The following SCNN1A variants were observed in gnomAD, a reference collection of about 807,000 sequenced individuals.
SCNN1A encodes epithelial sodium channel subunit alpha.
A neutral mutation model predicts 68.6 loss-of-function variants in SCNN1A; 65 were observed. The ratio of observed to expected loss-of-function variants is 0.95; its 90% CI spans 0.78 to 1.16. The LOEUF (loss-of-function observed/expected upper bound fraction) is 1.16, where lower values mean the gene tolerates loss of function less well. SCNN1A is among the 50% of genes most tolerant of loss of function. SCNN1A has a pLI of 0.00. For synonymous variants in SCNN1A, 357 were observed against 353.3 expected (o/e 1.01, Z -0.12); for missense variants, 880 against 865.9 (o/e 1.02, Z -0.20).
rs753200672 is a variant in SCNN1A at position 6,348,151 on chromosome 12, C to T, written c.1732G>A (p.Val578Ile). The T allele has an allele frequency of 2.5e-6, 4 of 1,614,006 alleles. No homozygotes were observed. The highest frequency in any genetic ancestry group is 2.7e-5 in the African/African-American group (2 of 74,904). The change falls in exon 13 of 13, where the codon GTC becomes ATC. Residue 578 changes from valine (V) to isoleucine (I), a missense_variant. Physicochemically the swap from Val to Ile is conservative, Grantham distance 29 (BLOSUM62 3). Transcript: ENST00000228916. ...CGGAGCAGCATGAGGAACATGATGA[C>T]CAGCAGGTCAAAGACGAGCTCAGCC... is the stretch of plus-strand genomic sequence containing the variant. ...EMAELVFDLL[V>I]IMFLMLLRRF... is the part of the protein sequence containing the mutation.
intron 8 of SCNN1A, among the ~76,000 whole-genome samples, chr12:6,352,237 AAATAAT>A (rs60225515): frequency 2.6e-5 from 4 of 151,748 alleles, no homozygotes; most frequent in African/African-American, 4.9e-5. Context: ...GCTATTACCA[AAATAAT>A]AATAATAATA....
intron 2 of SCNN1A, among the ~76,000 whole-genome samples, chr12:6,369,376 G>GCCACCCTACGCACCTCCCTCCTGCCA (rs1206838851): frequency 3.4e-5 from 5 of 145,820 alleles, no homozygotes; most frequent in African/African-American, 7.6e-5. Context: ...CCTCCCTCCT[G>GCCACCCTACGCACCTCCCTCCTGCCA]CCTGGCCTCA....
intron 3 of SCNN1A, among the ~76,000 whole-genome samples, chr12:6,362,658 C>G (rs1008389367): frequency 9.9e-5 from 15 of 151,782 alleles, no homozygotes; most frequent in African/African-American, 3.6e-4. Flanking sequence ...TTCCTTGGCT[C>G]CTCCCTCATT....
Position 6,351,295 on chromosome 12 carries a change from C to T in SCNN1A, c.1361-1890G>A, listed in dbSNP as rs1948382831. Among the ~76,000 whole-genome samples, 1 of 152,108 alleles carries T rather than the reference C, an allele frequency of 6.6e-6. No individual in the cohort carries two copies. Among genetic ancestry groups the T allele is most frequent in the Admixed American group, 6.5e-5 (1 of 15,268 alleles). On this transcript the variant is annotated intron_variant, in intron 8 of 12. Coordinates refer to ENST00000228916, the MANE Select transcript of SCNN1A (RefSeq NM_001038.6). The surrounding 1 kb of genome is among the most constrained non-coding windows in gnomAD (Gnocchi z 4.2). ...TATGCTAAGTGAAATAAGGCAGACA[C>T]GAGGGTCACACACTCTAAGATTCCA...
At chr12:6,363,413 G>C (rs1948615587) in intron 3 of SCNN1A, 30 bp downstream of exon 3, 1 of 1,506,120 alleles carries the variant, frequency 6.6e-7, no homozygotes, top group Admixed American at 2.2e-5. Flanking sequence ...GCGAGGGGCG[G>C]GGCGGGCCCC....
chr12:6,375,358 G>A, intron 1 of SCNN1A, 147 bp downstream of exon 1: 3 of 1,455,600 alleles, frequency 2.1e-6, no homozygotes, highest in Non-Finnish European at 2.7e-6. Flanking sequence ...CTGACCTCGA[G>A]CTGTGTCCTG....
intron 8 of SCNN1A, chr12:6,353,694 A>C (rs1358101187): frequency 2.6e-5 from 2 of 77,592 alleles, no homozygotes; most frequent in African/African-American, 9.3e-5. Flanking sequence ...GGTCCACACC[A>C]TTCTCCTGCC....
intron 4 of SCNN1A, among the ~76,000 whole-genome samples, chr12:6,359,652 C>G (rs1013061628): frequency 4.6e-5 from 7 of 152,062 alleles, no homozygotes; most frequent in Admixed American, 1.3e-4. Flanking sequence ...GTAAAAGTTT[C>G]CTGAGGCCTC....
At chr12:6,375,605 C>G (rs72645137), upstream of SCNN1A, 95 of 1,473,728 alleles carry the variant, frequency 6.4e-5, no homozygotes, top group South Asian at 2.2e-4. Context: ...GTGAGCAGGG[C>G]GGGGGGAGGG....
chr12:6,362,941 C>G, intron 3 of SCNN1A, among the ~76,000 whole-genome samples: 1 of 105,156 alleles, frequency 9.5e-6, no homozygotes, highest in African/African-American at 3.9e-5. Context: ...CCTAGGCCTC[C>G]CAAAGTGCTG....
At position 6,374,554 on chromosome 12, in the gene SCNN1A, G is replaced by A. The variant is rs762180968; in HGVS notation, c.230C>T (p.Ser77Phe). The part of the protein sequence containing the change: ...TIHGAIRLVC[S>F]QHNRMKTAFW... The stretch of plus-strand genomic sequence containing the variant: ...GGCCGTCTTCATGCGGTTGTGCTGG[G>A]AGCACACCAGGCGGATGGCGCCGTG... Residue 77 changes from serine (S) to phenylalanine (F), a missense_variant, in exon 2 of 13, where the codon TCC becomes TTC. By Grantham distance (155) the Ser-to-Phe change is radical (BLOSUM62 -2). Coordinates refer to ENST00000228916, the MANE Select transcript of SCNN1A (RefSeq NM_001038.6). The surrounding 1 kb of genome is among the most constrained non-coding windows in gnomAD (Gnocchi z 6.2). The A allele has an allele frequency of 6.2e-7, 1 of 1,614,184 alleles. No individual in the cohort carries two copies. Among genetic ancestry groups the A allele is most frequent in the South Asian group, 1.1e-5 (1 of 91,088 alleles).
chr12:6,371,705 C>T (rs1948797601), intron 2 of SCNN1A, among the ~76,000 whole-genome samples: 2 of 152,198 alleles, frequency 1.3e-5, no homozygotes, highest in African/African-American at 4.8e-5. Flanking sequence ...GACCTACTTC[C>T]AAGGTGTGTT....
chr12:6,371,769 A>C (rs1281263363), intron 2 of SCNN1A, among the ~76,000 whole-genome samples: 1 of 152,140 alleles, frequency 6.6e-6, no homozygotes, highest in African/African-American at 2.4e-5. Context: ...CATTTGTAAA[A>C]AGTCTGGCCC....
At chr12:6,375,753 A>G, upstream of SCNN1A, 1 of 1,410,104 alleles carries the variant, frequency 7.1e-7, no homozygotes, top group Non-Finnish European at 9.2e-7. Flanking sequence ...GCTGGGGGAC[A>G]GGATGGCAGG....
chr12:6,353,260 C>T (rs937561921), intron 8 of SCNN1A, among the ~76,000 whole-genome samples: 6 of 152,142 alleles, frequency 3.9e-5, no homozygotes, highest in Non-Finnish European at 1.5e-5. Context: ...AGGTCCAATA[C>T]ATGTATTTGA....
chr12:6,348,360 AC>A, intron 12 of SCNN1A, 107 bp from the exon 13 acceptor site: 1 of 1,579,178 alleles, frequency 6.3e-7, no homozygotes, highest in Non-Finnish European at 8.6e-7. Flanking sequence ...ATCCCTGAAG[AC>A]CCCCGAGTCC....
In SCNN1A at chr12:6,351,941, G is replaced by A. The variant is rs778944438; in HGVS notation, c.1360+2497C>T. On this transcript the variant is annotated intron_variant, in intron 8 of 12. Coordinates refer to ENST00000228916, the MANE Select transcript of SCNN1A (RefSeq NM_001038.6). This position sits in a 1 kb window ranked among gnomAD's most constrained non-coding sequence, Gnocchi z 4.2. ...TGCCCAGCTAATTTTTGTAAAGACA[G>A]GGTTTCGCCACGTTGCCCAGGCTGG... Among the ~76,000 whole-genome samples the A allele has an allele frequency of 6.6e-6, 1 of 151,994 alleles. No homozygotes were observed. Among genetic ancestry groups the A allele is most frequent in the African/African-American group, 2.4e-5 (1 of 41,382 alleles).
upstream of SCNN1A, chr12:6,377,154 A>C: frequency 2.0e-6 from 2 of 1,004,036 alleles, no homozygotes; most frequent in Non-Finnish European, 3.0e-6. Flanking sequence ...TCAGGGTCCA[A>C]CCTGGTCTGT....
Position 6,349,275 on chromosome 12 carries a change from G to C in SCNN1A, c.1439+52C>G. ...GGGGCAGAGCTCTCCCAAATGCTTG[G>C]CTCGGTAACCTGTATTCTACCCAAC... On this transcript the variant is annotated intron_variant, in intron 9 of 12. Transcript: ENST00000228916. The C allele has an allele frequency of 6.2e-7, 1 of 1,613,024 alleles. No individual in the cohort carries two copies. Among genetic ancestry groups the C allele is most frequent in the Non-Finnish European group, 8.5e-7 (1 of 1,179,050 alleles).
Sources: allele counts gnomAD v4.1 joint callset (sites outside exome capture counted in the v4.1 genomes callset), GRCh38; gene constraint gnomAD v4.1.1; non-coding constraint Gnocchi (gnomAD v3.1); transcripts MANE v1.5; gene names NCBI Gene and HGNC (gene_info 2026-07-23, HGNC 2026-07-21).